OPCML: variants seen among roughly 807,000 people sequenced by gnomAD.
The protein encoded by OPCML is opioid binding protein/cell adhesion molecule like, also known as opioid-binding protein/cell adhesion molecule.
OPCML carries 13 observed loss-of-function variants against 37.8 expected under a neutral mutation model. The observed-to-expected ratio is 0.34, with a 90% CI of 0.22 to 0.55. The LOEUF (loss-of-function observed/expected upper bound fraction) is 0.55. Ranked by LOEUF, OPCML falls within the 20% of genes least tolerant of loss-of-function variation. The pLI, the probability that OPCML is intolerant of heterozygous loss-of-function variation, is 0.91. For missense variants in OPCML, 341 were observed against 435.6 expected (o/e 0.78, Z 1.93); for synonymous variants, 176 against 168.8 (o/e 1.04, Z -0.33).
chr11:132,493,502 C>G (rs899534392), intron 4 of OPCML, among the ~76,000 whole-genome samples: 1 of 152,162 alleles, frequency 6.6e-6, no homozygotes, highest in African/African-American at 2.4e-5. Context: ...ATCCAGGCTG[C>G]CTTCACCTCC....
intron 7 of OPCML, among the ~76,000 whole-genome samples, chr11:132,424,586 G>T (rs186238317): frequency 6.6e-5 from 10 of 152,266 alleles, no homozygotes; most frequent in Admixed American, 6.5e-4. Flanking sequence ...GCTCCCCCGG[G>T]GTAAGGTCGC....
intron 2 of OPCML, among the ~76,000 whole-genome samples, chr11:132,757,196 A>G (rs1946083949): frequency 2.6e-5 from 4 of 152,166 alleles, no homozygotes; most frequent in Admixed American, 1.3e-4. Flanking sequence ...TATCCAGTCT[A>G]TCATTGATGG....
chr11:132,794,887 A>T (rs180767478), intron 2 of OPCML, among the ~76,000 whole-genome samples: 231 of 139,770 alleles, frequency 1.7e-3, no homozygotes, highest in Non-Finnish European at 3.0e-3. Context: ...AAAAACATGA[A>T]AATATCATGA....
intron 1 of OPCML, among the ~76,000 whole-genome samples, chr11:133,443,882 G>A (rs1008869929): frequency 1.3e-5 from 2 of 152,114 alleles, no homozygotes; most frequent in African/African-American, 4.8e-5. Flanking sequence ...GCAAAGGTGG[G>A]AGAGTCACTT....
chr11:133,465,788 G>T (rs946742848), intron 1 of OPCML, among the ~76,000 whole-genome samples: 2 of 152,080 alleles, frequency 1.3e-5, no homozygotes, highest in African/African-American at 2.4e-5. Flanking sequence ...CCACCGTAAA[G>T]GGACACTGGG....
At chr11:133,298,513 A>C (rs1006210198) in intron 1 of OPCML, 2 of 152,210 alleles carry the variant, frequency 1.3e-5, no homozygotes, top group Non-Finnish European at 2.9e-5. Flanking sequence ...GGAAAACTTG[A>C]CTAGAACAGA....
At chr11:133,374,024 GA>G (rs1254738100) in intron 1 of OPCML, among the ~76,000 whole-genome samples, 1 of 151,970 alleles carries the variant, frequency 6.6e-6, no homozygotes, top group African/African-American at 2.4e-5. Flanking sequence ...CAAAAGAAAT[GA>G]AAAAAATGTC....
rs1037177244 is a variant in OPCML at position 132,589,193 on chromosome 11, A to G, written c.380-60007T>C. Among the ~76,000 whole-genome samples the G allele has an allele frequency of 3.9e-5, 6 of 152,296 alleles. No individual in the cohort carries two copies. The East Asian group carries it at 1.2e-3, about 29-fold the overall frequency. On this transcript the variant is annotated intron_variant, in intron 3 of 7. Transcript: ENST00000524381. ...CATAGATTTTAGAATCAACCAGACA[A>G]AAATGCATAGAAACCATTGTTTTAT...
In OPCML at chr11:132,529,217, G is replaced by A. The variant is rs200443839; in HGVS notation, c.380-31C>T. 16 of 1,580,548 alleles carry A rather than the reference G, an allele frequency of 1.0e-5. No homozygotes were observed. The African/African-American group carries it at 1.8e-4, about 17-fold the overall frequency. On this transcript the variant is annotated intron_variant, in intron 3 of 7. Transcript: ENST00000524381. The stretch of plus-strand genomic sequence containing the variant: ...AGGAAACAGGATAGAAGAAATACCT[G>A]AGAATAATTCTTTGCACTTAAAAGG...
intron 2 of OPCML, among the ~76,000 whole-genome samples, chr11:132,887,799 C>T (rs914815356): frequency 1.3e-5 from 2 of 152,208 alleles, no homozygotes; most frequent in African/African-American, 4.8e-5. Flanking sequence ...GTCCGCGCTG[C>T]GGCACCTCTG....
At chr11:133,428,034 C>T (rs1946038253) in intron 1 of OPCML, among the ~76,000 whole-genome samples, 1 of 152,076 alleles carries the variant, frequency 6.6e-6, no homozygotes, top group Non-Finnish European at 1.5e-5. Flanking sequence ...GGAACAGACA[C>T]AGTTACGAAC....
intron 2 of OPCML, among the ~76,000 whole-genome samples, chr11:132,850,516 GGTGTGTGTGTGTGT>G (rs66934308): frequency 2.0e-5 from 3 of 148,028 alleles, no homozygotes; most frequent in East Asian, 4.0e-4. Flanking sequence ...CTGTGGAAAG[GGTGTGTGTGTGTGT>G]GTGTGTGTGT....
chr11:132,430,696 T>C (rs988414497), intron 7 of OPCML, among the ~76,000 whole-genome samples: 1 of 152,174 alleles, frequency 6.6e-6, no homozygotes, highest in African/African-American at 2.4e-5. Flanking sequence ...AACTGATTTG[T>C]GTCGCTGCAA....
At chr11:132,940,936 G>C (rs151332197) in intron 2 of OPCML, among the ~76,000 whole-genome samples, 1 of 152,204 alleles carries the variant, frequency 6.6e-6, no homozygotes, top group Non-Finnish European at 1.5e-5. Context: ...AGATTAAAAT[G>C]TAGATAACGT....
intron 3 of OPCML, among the ~76,000 whole-genome samples, chr11:132,564,213 T>G (rs2096417121): frequency 6.6e-6 from 1 of 152,192 alleles, no homozygotes; most frequent in African/African-American, 2.4e-5. Flanking sequence ...CAATAAAGTC[T>G]CCAAGAGCCA....
At chr11:133,034,308 GGTGTGTGT>G (rs71038514) in intron 1 of OPCML, among the ~76,000 whole-genome samples, 8 of 143,436 alleles carry the variant, frequency 5.6e-5, no homozygotes, top group South Asian at 2.3e-4. Context: ...TGTATGTATA[GGTGTGTGT>G]GTGTGTGTGT....
intron 1 of OPCML, among the ~76,000 whole-genome samples, chr11:133,262,808 G>T (rs1353886917): frequency 6.6e-6 from 1 of 151,958 alleles, no homozygotes; most frequent in Non-Finnish European, 1.5e-5. Flanking sequence ...TCCCCAGGAA[G>T]AGCGTGCAGG....
intron 2 of OPCML, among the ~76,000 whole-genome samples, chr11:132,673,724 T>C (rs2135825292): frequency 6.6e-6 from 1 of 152,216 alleles, no homozygotes; most frequent in East Asian, 1.9e-4. Context: ...CATTTAGAAC[T>C]CCACAGGGAG....
intron 2 of OPCML, among the ~76,000 whole-genome samples, chr11:132,711,123 C>A (rs2135948710): frequency 6.6e-6 from 1 of 152,260 alleles, no homozygotes; most frequent in Middle Eastern, 3.4e-3. Context: ...GCCATCTGAA[C>A]TTAATGTGGG....
Sources: gnomAD v4.1 joint callset for allele counts (sites outside exome capture counted in the v4.1 genomes callset) on GRCh38, gnomAD v4.1.1 for gene constraint, MANE v1.5 for transcripts, NCBI Gene and HGNC (gene_info 2026-07-23, HGNC 2026-07-21) for gene names.